The following ULK4 variants were observed in gnomAD, a reference collection of about 807,000 sequenced individuals.
ULK4 encodes unc-51 like kinase 4.
Under a neutral mutation model 160.6 loss-of-function variants are expected in ULK4, and 133 were observed. The observed-to-expected ratio is 0.83, with a 90% CI of 0.72 to 0.96. The LOEUF (loss-of-function observed/expected upper bound fraction) is 0.96, where lower values mean the gene tolerates loss of function less well. Among genes scored for constraint, ULK4 ranks in the 40% least tolerant of loss-of-function variants. ULK4 has a pLI of 0.00. For missense variants in ULK4, 1,580 were observed against 1,499.5 expected (o/e 1.05, Z -0.89); for synonymous variants, 534 against 539.8 (o/e 0.99, Z 0.15).
At chr3:41,754,709 G>C (rs905271653) in intron 21 of ULK4, among the ~76,000 whole-genome samples, 1 of 152,062 alleles carries the variant, frequency 6.6e-6, no homozygotes, top group Non-Finnish European at 1.5e-5. Flanking sequence ...TGTTGTCCCC[G>C]CTTTAAAGAG....
At chr3:41,834,035 T>C (rs1002432370) in intron 18 of ULK4, among the ~76,000 whole-genome samples, 1 of 151,304 alleles carries the variant, frequency 6.6e-6, no homozygotes, top group Admixed American at 6.6e-5. Context: ...TAAGAAATTA[T>C]ATTTGTATTT....
At chr3:41,849,174 A>G (rs1425784781) in intron 17 of ULK4, among the ~76,000 whole-genome samples, 1 of 152,252 alleles carries the variant, frequency 6.6e-6, no homozygotes, top group Non-Finnish European at 1.5e-5. Context: ...AAGCTAGCCT[A>G]TCCTGACTGA....
intron 5 of ULK4, among the ~76,000 whole-genome samples, chr3:41,924,382 G>C (rs1264211070): frequency 6.6e-6 from 1 of 152,182 alleles, no homozygotes; most frequent in Non-Finnish European, 1.5e-5. Flanking sequence ...CAAAAGGTCA[G>C]GGCTGATTCT....
chr3:41,476,407 C>T (rs1367087305), intron 32 of ULK4, among the ~76,000 whole-genome samples: 1 of 152,194 alleles, frequency 6.6e-6, no homozygotes, highest in Admixed American at 6.5e-5. Flanking sequence ...ATGATCAAGA[C>T]AAGATATTCC....
intron 34 of ULK4, among the ~76,000 whole-genome samples, chr3:41,419,958 G>A (rs1040095569): frequency 3.9e-5 from 6 of 151,930 alleles, no homozygotes; most frequent in Non-Finnish European, 7.4e-5. Context: ...TGTGCCAAAG[G>A]CTTCCATATG....
chr3:41,437,429 A>G (rs901069173), intron 34 of ULK4, among the ~76,000 whole-genome samples: 1 of 152,232 alleles, frequency 6.6e-6, no homozygotes, highest in African/African-American at 2.4e-5. Flanking sequence ...ATCACTATGT[A>G]GATATTTCTC....
intron 35 of ULK4, among the ~76,000 whole-genome samples, chr3:41,332,205 A>AT: frequency 7.2e-6 from 1 of 139,476 alleles, no homozygotes; most frequent in African/African-American, 2.7e-5. Flanking sequence ...TCCAGCCAAG[A>AT]GGAAAAAAAA....
At chr3:41,449,466 A>C (rs1186305978) in intron 34 of ULK4, among the ~76,000 whole-genome samples, 2 of 152,112 alleles carry the variant, frequency 1.3e-5, no homozygotes, top group African/African-American at 4.8e-5. Context: ...CTTTAAATGG[A>C]GTACTGACTC....
rs551910998 is a variant in ULK4, at chr3:41,322,480, G to C, written c.3679-72906C>G. 4.6e-5 allele frequency among the ~76,000 whole-genome samples: 7 copies of C among 152,254 alleles called. No homozygotes were observed. The Middle Eastern group carries it at 0.01, about 222-fold the overall frequency. On this transcript the variant is annotated intron_variant, in intron 35 of 36. Transcript: ENST00000301831. Reference sequence around the variant, plus strand: ...ATGGATTCGCTGCTGCTAACAATTTGACCCACATAAGATAGTATCTCTCAA... The same window carrying C: ...ATGGATTCGCTGCTGCTAACAATTTCACCCACATAAGATAGTATCTCTCAA...
At chr3:41,361,587 A>G (rs187298371) in intron 35 of ULK4, among the ~76,000 whole-genome samples, 2 of 152,352 alleles carry the variant, frequency 1.3e-5, no homozygotes, top group East Asian at 3.9e-4. Context: ...AGATTATTTT[A>G]TATCACAACA....
chr3:41,799,376 C>T (rs2040391554), intron 20 of ULK4, among the ~76,000 whole-genome samples: 1 of 152,092 alleles, frequency 6.6e-6, no homozygotes, highest in Admixed American at 6.5e-5. Flanking sequence ...GTAGGCAACC[C>T]ATCAAAACAC....
At chr3:41,631,207 T>C (rs2033728773) in intron 30 of ULK4, among the ~76,000 whole-genome samples, 1 of 152,104 alleles carries the variant, frequency 6.6e-6, no homozygotes, top group Admixed American at 6.5e-5. Flanking sequence ...GGTACATATA[T>C]AGGGAGTTAT....
intron 21 of ULK4, among the ~76,000 whole-genome samples, chr3:41,768,317 T>C (rs1199625083): frequency 6.6e-6 from 1 of 152,212 alleles, no homozygotes; most frequent in Non-Finnish European, 1.5e-5. Context: ...TAAATCATAA[T>C]TGTAGTAAAT....
chr3:41,669,945 T>A (rs1450655261), intron 29 of ULK4, among the ~76,000 whole-genome samples: 2 of 152,098 alleles, frequency 1.3e-5, no homozygotes, highest in Non-Finnish European at 2.9e-5. Flanking sequence ...AACCATAGAA[T>A]GGAGCAGGAA....
intron 32 of ULK4, among the ~76,000 whole-genome samples, chr3:41,495,718 A>C (rs915222958): frequency 2.6e-5 from 4 of 151,846 alleles, no homozygotes; most frequent in African/African-American, 9.7e-5. Context: ...CAATGAACTC[A>C]AACAAATGTA....
At chr3:41,307,982 G>A (rs541977778) in intron 35 of ULK4, among the ~76,000 whole-genome samples, 38 of 152,148 alleles carry the variant, frequency 2.5e-4, no homozygotes, top group African/African-American at 7.7e-4. Flanking sequence ...TTGAGTTTCC[G>A]CAGCATTTAA....
intron 20 of ULK4, among the ~76,000 whole-genome samples, chr3:41,798,019 C>T (rs1457015128): frequency 6.6e-6 from 1 of 152,102 alleles, no homozygotes; most frequent in African/African-American, 2.4e-5. Context: ...AAAGGAGACA[C>T]TGTTGGGACA....
At chr3:41,849,743 G>A (rs1159280178) in intron 17 of ULK4, among the ~76,000 whole-genome samples, 14 of 152,136 alleles carry the variant, frequency 9.2e-5, no homozygotes, top group Non-Finnish European at 1.9e-4. Flanking sequence ...ATGTGTGAGG[G>A]CAGGGGTATA....
At chr3:41,584,629 C>T (rs191161301) in intron 31 of ULK4, among the ~76,000 whole-genome samples, 77 of 152,232 alleles carry the variant, frequency 5.1e-4, no homozygotes, top group African/African-American at 1.7e-3. Flanking sequence ...AACACAGCAA[C>T]AACTTTCATA....
Sources: allele counts gnomAD v4.1 joint callset (sites outside exome capture counted in the v4.1 genomes callset), GRCh38; gene constraint gnomAD v4.1.1; transcripts MANE v1.5; gene names NCBI Gene and HGNC (gene_info 2026-07-23, HGNC 2026-07-21).